TMOD1: variants seen among roughly 807,000 people sequenced by gnomAD.
The protein encoded by TMOD1 is tropomodulin-1.
A neutral mutation model predicts 40.6 loss-of-function variants in TMOD1; 17 were observed. That is an observed-to-expected ratio of 0.42 (90% CI 0.29 to 0.63). The LOEUF is 0.63. TMOD1 is among the 20% of genes least tolerant of loss of function. The pLI, the probability that TMOD1 is intolerant of heterozygous loss-of-function variation, is 0.22. For synonymous variants in TMOD1, 181 were observed against 175.0 expected (o/e 1.03, Z -0.27); for missense variants, 391 against 447.6 (o/e 0.87, Z 1.14).
intron 1 of TMOD1, among the ~76,000 whole-genome samples, chr9:97,504,960 G>A (rs1829569987): frequency 6.6e-6 from 1 of 152,166 alleles, no homozygotes; most frequent in Admixed American, 6.5e-5. Context: ...CCACAGGCCT[G>A]TTTCTATGGA....
At chr9:97,515,689 A>G (rs566063730) in intron 1 of TMOD1, among the ~76,000 whole-genome samples, 1 of 152,280 alleles carries the variant, frequency 6.6e-6, no homozygotes, top group African/African-American at 2.4e-5. Flanking sequence ...GCCTGGGTGC[A>G]TCTTTCAGCA....
At chr9:97,575,125 G>A (rs1330427250) in intron 8 of TMOD1, among the ~76,000 whole-genome samples, 9 of 152,124 alleles carry the variant, frequency 5.9e-5, no homozygotes, top group African/African-American at 1.7e-4. Flanking sequence ...TCACTCTTTG[G>A]GTCCACACTG....
At chr9:97,591,244 A>G (rs1825993182) in intron 8 of TMOD1, 47 bp from the exon 9 acceptor site, 1 of 1,539,386 alleles carries the variant, frequency 6.5e-7, no homozygotes, top group Non-Finnish European at 8.8e-7. Context: ...TACACATGGA[A>G]TGAGTGGTGA....
At chr9:97,595,533 CTT>C (rs71487335) in intron 9 of TMOD1, among the ~76,000 whole-genome samples, 36 of 121,614 alleles carry the variant, frequency 3.0e-4, no homozygotes, top group Non-Finnish European at 4.6e-4. Context: ...AACAAATTTC[CTT>C]TTTTTTTTTT....
chr9:97,541,477 C>G (rs117109257), intron 2 of TMOD1, among the ~76,000 whole-genome samples: 2,969 of 152,154 alleles, frequency 0.02, 37 homozygotes, highest in Middle Eastern at 0.037. Flanking sequence ...GCATGGGCCA[C>G]TGTGCCCAGC....
chr9:97,512,277 A>T (rs77562838), intron 1 of TMOD1, among the ~76,000 whole-genome samples: 1 of 152,246 alleles, frequency 6.6e-6, no homozygotes, highest in Non-Finnish European at 1.5e-5. Flanking sequence ...CCAAGTGTTG[A>T]CAAGGTTGTG....
rs1394683140 is a variant in TMOD1 at position 97,513,738 on chromosome 9, GT to G, written c.-48-10400del. On this transcript the variant is annotated intron_variant, in intron 1 of 9. Transcript: ENST00000259365. This position sits in a 1 kb window ranked among gnomAD's most constrained non-coding sequence, Gnocchi z 4.1. ...AACTGAGATCCAGAGAAGTACAGCA[GT>G]TTGCTCAAGGTCATATGGCAGGTCC... The G allele has an allele frequency of 1.3e-5, 2 of 152,250 alleles. No homozygotes were observed. The highest frequency in any genetic ancestry group is 2.9e-5 in the Non-Finnish European group (2 of 68,062). 9.4% of individuals were successfully genotyped at this position (152,250 alleles called of 1,614,324 possible).
chr9:97,512,583 A>G (rs1829721309), intron 1 of TMOD1: 1 of 151,858 alleles, frequency 6.6e-6, no homozygotes. Flanking sequence ...GAGAAAGAAC[A>G]AACTGTTACT....
chr9:97,524,031 C>A, intron 1 of TMOD1, 110 bp from the exon 2 acceptor site: 1 of 728,944 alleles, frequency 1.4e-6, no homozygotes, highest in Non-Finnish European at 2.2e-6. Flanking sequence ...AATGATTATC[C>A]TGGCAATTCA....
chr9:97,522,423 C>T lies in TMOD1; in HGVS notation c.-48-1718C>T, dbSNP rs545502426. Among the ~76,000 whole-genome samples the T allele has an allele frequency of 1.1e-3, 172 of 152,264 alleles. 1 individual carries two copies. The highest frequency in any genetic ancestry group is 3.9e-3 in the African/African-American group (161 of 41,536). The stretch of plus-strand genomic sequence containing the variant: ...TAGGGGCCCACTCTATCCAGTAAGA[C>T]CTTGACTAAACTTAACTACTTATAT... On this transcript the variant is annotated intron_variant, in intron 1 of 9. Transcript: ENST00000259365.
Position 97,599,807 on chromosome 9 carries a change from G to A in TMOD1, c.*109G>A, listed in dbSNP as rs2131300448. The A allele has an allele frequency of 6.3e-7, 1 of 1,579,958 alleles. No homozygotes were observed. The highest frequency in any genetic ancestry group is 2.3e-5 in the East Asian group (1 of 43,964). ...TGCTGGCAGCATGAAACCCTTTTGT[G>A]GTTCAGTTCTTTATGCACTAAGGTT... On this transcript the variant is annotated 3_prime_UTR_variant, in exon 10 of 10. Coordinates refer to ENST00000259365, the MANE Select transcript of TMOD1 (RefSeq NM_003275.4).
intron 2 of TMOD1, among the ~76,000 whole-genome samples, chr9:97,537,368 T>C (rs1830201193): frequency 6.6e-6 from 1 of 152,240 alleles, no homozygotes; most frequent in South Asian, 2.1e-4. Flanking sequence ...GTTGCCTCTG[T>C]GTGCACATCT....
chr9:97,541,418 C>T (rs1830273413), intron 2 of TMOD1, among the ~76,000 whole-genome samples: 1 of 152,006 alleles, frequency 6.6e-6, no homozygotes, highest in East Asian at 1.9e-4. Context: ...GAACTCCTGA[C>T]CTCAGGTGAT....
Position 97,600,919 on chromosome 9 carries a change from T to G in TMOD1, c.*1221T>G, listed in dbSNP as rs1018795764. The G allele has an allele frequency of 1.6e-5, 19 of 1,158,040 alleles. No individual in the cohort carries two copies. Among genetic ancestry groups the G allele is most frequent in the Non-Finnish European group, 2.1e-5 (19 of 918,252 alleles). The allele number at this position is 1,158,040 out of a possible 1,614,324, so 71.7% of individuals were successfully genotyped here. ...TGCCAGTTAAACTAATATTTTTGTT[T>G]GTTGCTTTTGGGAGTTATTTTCATT... On this transcript the variant is annotated 3_prime_UTR_variant, in exon 10 of 10. Coordinates refer to ENST00000259365, the MANE Select transcript of TMOD1 (RefSeq NM_003275.4).
intron 1 of TMOD1, among the ~76,000 whole-genome samples, chr9:97,504,147 C>A (rs1395725098): frequency 1.3e-5 from 2 of 152,186 alleles, no homozygotes; most frequent in Admixed American, 6.5e-5. Context: ...GCCTCGTTTT[C>A]TCCTCATACA....
At chr9:97,543,738 T>C (rs1326938986) in intron 2 of TMOD1, among the ~76,000 whole-genome samples, 2 of 152,208 alleles carry the variant, frequency 1.3e-5, no homozygotes, top group Non-Finnish European at 1.5e-5. Context: ...AGTGAGGTAT[T>C]GTCTCACTCT....
At chr9:97,589,530 C>T (rs560591482) in intron 8 of TMOD1, among the ~76,000 whole-genome samples, 67 of 152,004 alleles carry the variant, frequency 4.4e-4, no homozygotes, top group Non-Finnish European at 7.4e-4. Context: ...CCACCCGCCT[C>T]GGCCTCCCAA....
chr9:97,591,636 G>A (rs1587964903), intron 9 of TMOD1, among the ~76,000 whole-genome samples: 1 of 152,344 alleles, frequency 6.6e-6, no homozygotes, highest in African/African-American at 2.4e-5. Context: ...CAGGAGCTAA[G>A]GCTGAGTCCT....
intron 9 of TMOD1, among the ~76,000 whole-genome samples, chr9:97,595,259 T>A (rs1826084482): frequency 6.6e-6 from 1 of 152,208 alleles, no homozygotes; most frequent in Non-Finnish European, 1.5e-5. Context: ...AATTTTGAAA[T>A]GTATAATACA....
Sources: allele counts gnomAD v4.1 joint callset (sites outside exome capture counted in the v4.1 genomes callset), GRCh38; gene constraint gnomAD v4.1.1; non-coding constraint Gnocchi (gnomAD v3.1); transcripts MANE v1.5; gene names NCBI Gene and HGNC (gene_info 2026-07-23, HGNC 2026-07-21).